Variants in IGSF21 observed in about 807,000 individuals in gnomAD.
IGSF21 encodes the protein immunoglobulin superfamily member 21.
IGSF21 carries 28 observed loss-of-function variants against 46.8 expected under a neutral mutation model. That is an observed-to-expected ratio of 0.60 (90% CI 0.44 to 0.82). The LOEUF is 0.82. Ranked by LOEUF, IGSF21 falls within the 40% of genes least tolerant of loss-of-function variation. IGSF21 has a pLI of 0.00. For missense variants in IGSF21, 624 were observed against 665.5 expected, an observed-to-expected ratio of 0.94 and a Z score of 0.69; for synonymous variants, 284 against 273.6, an observed-to-expected ratio of 1.04 and a Z score of -0.38.
At chr1:18,161,056 C>T (rs2086616561) in intron 1 of IGSF21, among the ~76,000 whole-genome samples, 1 of 152,152 alleles carries the variant, frequency 6.6e-6, no homozygotes, top group African/African-American at 2.4e-5. Context: ...GCCAGGGAAT[C>T]TCTTGGGCCA....
rs751188622 is a variant in IGSF21, at chr1:18,291,910, C to T, written c.228C>T (p.Asp76=). Reference sequence around the variant, plus strand: ...TCAAGCAAAAGATCTTCACCTTCGACGCCATGTTCTCCACCAACTACTCAC... The same window carrying T: ...TCAAGCAAAAGATCTTCACCTTCGATGCCATGTTCTCCACCAACTACTCAC... ...GTIKQKIFTF[D]AMFSTNYSHM... The change falls in exon 3 of 10, where the codon GAC becomes GAT. Residue 76 remains aspartate, a synonymous_variant. Coordinates refer to ENST00000251296, the MANE Select transcript of IGSF21 (RefSeq NM_032880.5). 32 of 1,613,970 alleles carry T rather than the reference C, an allele frequency of 2.0e-5. No homozygotes were observed. Among genetic ancestry groups the T allele is most frequent in the Non-Finnish European group, 2.5e-5 (29 of 1,179,998 alleles).
At chr1:18,204,672 C>G (rs373942184) in intron 1 of IGSF21, among the ~76,000 whole-genome samples, 2 of 152,202 alleles carry the variant, frequency 1.3e-5, no homozygotes, top group South Asian at 2.1e-4. Context: ...TGTCTGATCT[C>G]CCTTGGAGCA....
chr1:18,378,120 G>A, intron 9 of IGSF21, 136 bp from the exon 10 acceptor site: 1 of 660,418 alleles, frequency 1.5e-6, no homozygotes, highest in Non-Finnish European at 2.7e-6. Context: ...AGGTGGCCAG[G>A]TGGCAGAGCT....
intron 1 of IGSF21, among the ~76,000 whole-genome samples, chr1:18,185,531 A>C (rs774475819): frequency 1.2e-4 from 18 of 152,228 alleles, no homozygotes; most frequent in Non-Finnish European, 2.4e-4. Context: ...CAGGTTGTGC[A>C]GCCTATAGAC....
chr1:18,306,859 C>T (rs550815478), intron 3 of IGSF21, among the ~76,000 whole-genome samples: 15 of 152,306 alleles, frequency 9.8e-5, no homozygotes, highest in Admixed American at 5.2e-4. Context: ...GCCCCTTCCT[C>T]GGTGCACGAT....
At chr1:18,233,311 C>T (rs796553550) in intron 2 of IGSF21, among the ~76,000 whole-genome samples, 2 of 152,114 alleles carry the variant, frequency 1.3e-5, no homozygotes, top group South Asian at 2.1e-4. Flanking sequence ...GCAGATGATG[C>T]GACCTCGCCA....
chr1:18,161,889 T>C (rs1439031790), intron 1 of IGSF21, among the ~76,000 whole-genome samples: 2 of 152,138 alleles, frequency 1.3e-5, no homozygotes, highest in Non-Finnish European at 2.9e-5. Flanking sequence ...CTGTGTGACC[T>C]TGGGCAGGGC....
chr1:18,334,854 CGA>C lies in IGSF21; in HGVS notation c.306-37_306-36del. 1.3e-6 allele frequency: 2 copies of C among 1,507,714 alleles called. No homozygotes were observed. The highest frequency in any genetic ancestry group is 4.5e-5 in the East Asian group (2 of 44,132). The allele number at this position is 1,507,714 out of a possible 1,614,324, so 93.4% of individuals were successfully genotyped here. On this transcript the variant is annotated intron_variant, in intron 3 of 9. Coordinates refer to ENST00000251296, the MANE Select transcript of IGSF21 (RefSeq NM_032880.5). This position sits in a 1 kb window ranked among gnomAD's most constrained non-coding sequence, Gnocchi z 4.3. The stretch of plus-strand genomic sequence containing the variant: ...TTGAACGCTGCCTCACCCAGCCCCA[CGA>C]TGAAGGGCCCTCACCCTGTCTTCTG...
intron 2 of IGSF21, among the ~76,000 whole-genome samples, chr1:18,249,438 C>T (rs764908034): frequency 7.9e-5 from 12 of 152,050 alleles, no homozygotes; most frequent in Non-Finnish European, 1.2e-4. Flanking sequence ...TGAGTGAGAA[C>T]GTGGAGGCTG....
chr1:18,153,430 C>T (rs2086539091), intron 1 of IGSF21, among the ~76,000 whole-genome samples: 1 of 152,170 alleles, frequency 6.6e-6, no homozygotes, highest in Non-Finnish European at 1.5e-5. Flanking sequence ...TGCAATGTAG[C>T]CCCAGGGAAC....
At chr1:18,307,863 C>T (rs2085442113) in intron 3 of IGSF21, among the ~76,000 whole-genome samples, 1 of 152,196 alleles carries the variant, frequency 6.6e-6, no homozygotes, top group African/African-American at 2.4e-5. Context: ...GTGCACAGTC[C>T]ATGAAGTAAA....
At chr1:18,297,881 C>T (rs540791292) in intron 3 of IGSF21, among the ~76,000 whole-genome samples, 2 of 151,888 alleles carry the variant, frequency 1.3e-5, no homozygotes, top group Non-Finnish European at 2.9e-5. Context: ...ACCCATGGAT[C>T]CGGAAGGCCA....
At chr1:18,181,090 A>G (rs1258891761) in intron 1 of IGSF21, among the ~76,000 whole-genome samples, 2 of 152,126 alleles carry the variant, frequency 1.3e-5, no homozygotes, top group Non-Finnish European at 2.9e-5. Flanking sequence ...GCTTCCCACC[A>G]GGGAAGGGAA....
intron 1 of IGSF21, among the ~76,000 whole-genome samples, chr1:18,178,286 G>A (rs567850994): frequency 1.3e-5 from 2 of 152,252 alleles, no homozygotes; most frequent in East Asian, 3.9e-4. Context: ...CAATTAAGCT[G>A]TATGTTCTCC....
At chr1:18,144,725 C>T (rs1484465745) in intron 1 of IGSF21, among the ~76,000 whole-genome samples, 3 of 152,068 alleles carry the variant, frequency 2.0e-5, no homozygotes, top group African/African-American at 7.2e-5. Context: ...CAGCCAGAAC[C>T]TCCCCCTTGT....
chr1:18,351,251 T>G (rs2085950644), intron 4 of IGSF21, among the ~76,000 whole-genome samples: 1 of 148,654 alleles, frequency 6.7e-6, no homozygotes, highest in Admixed American at 6.7e-5. Context: ...TAAGTGGCAG[T>G]ACTTCATTCC....
chr1:18,221,150 G>A (rs113295754), intron 1 of IGSF21, among the ~76,000 whole-genome samples: 16 of 152,098 alleles, frequency 1.1e-4, no homozygotes, highest in Admixed American at 5.2e-4. Context: ...GCTTTACACC[G>A]AGTCAAGGGA....
intron 2 of IGSF21, among the ~76,000 whole-genome samples, chr1:18,260,446 C>T (rs934598733): frequency 7.9e-5 from 12 of 152,348 alleles, no homozygotes; most frequent in South Asian, 2.1e-4. Flanking sequence ...TCTATTGAAG[C>T]GGCAGTGCGC....
At chr1:18,185,283 T>G (rs1444345712) in intron 1 of IGSF21, among the ~76,000 whole-genome samples, 1 of 152,194 alleles carries the variant, frequency 6.6e-6, no homozygotes, top group East Asian at 1.9e-4. Flanking sequence ...CACGAACAGC[T>G]TGTCCTTCTC....
Sources: allele counts gnomAD v4.1 joint callset (sites outside exome capture counted in the v4.1 genomes callset), GRCh38; gene constraint gnomAD v4.1.1; non-coding constraint Gnocchi (gnomAD v3.1); transcripts MANE v1.5; gene names NCBI Gene and HGNC (gene_info 2026-07-23, HGNC 2026-07-21).